Variants in AGBL1 observed in about 807,000 individuals in gnomAD.
AGBL1 encodes the protein cytosolic carboxypeptidase 4.
A neutral mutation model predicts 118.9 loss-of-function variants in AGBL1; 130 were observed. The observed-to-expected ratio is 1.09, with a 90% CI of 0.95 to 1.26. AGBL1 has a LOEUF of 1.26. Ranked by LOEUF, AGBL1 falls within the 50% of genes most tolerant of loss-of-function variation. The pLI, the probability that AGBL1 is intolerant of heterozygous loss-of-function variation, is 0.00. For synonymous variants in AGBL1, 555 were observed against 478.9 expected (o/e 1.16, Z -2.08); for missense variants, 1,584 against 1,298.1 (o/e 1.22, Z -3.38).
At chr15:86,080,119 C>A in intron 1 of AGBL1, 96 bp downstream of exon 1, 1 of 984,424 alleles carries the variant, frequency 1.0e-6, no homozygotes, top group Non-Finnish European at 1.3e-6. Flanking sequence ...CTCTGGCAGT[C>A]ACTGGCCCAG....
At chr15:87,024,211 G>T (rs28883690) in intron 24 of AGBL1, among the ~76,000 whole-genome samples, 6,180 of 151,980 alleles carry the variant, frequency 0.041, 409 homozygotes, top group African/African-American at 0.14. Flanking sequence ...TCTTTGAAAA[G>T]ATAAATGAAA....
chr15:86,525,300 A>G (rs1193382288), intron 19 of AGBL1, among the ~76,000 whole-genome samples: 1 of 152,188 alleles, frequency 6.6e-6, no homozygotes, highest in East Asian at 1.9e-4. Flanking sequence ...AAGAATCAAT[A>G]TTTTGAAAAT....
chr15:86,272,655 A>G (rs944906888), intron 15 of AGBL1, among the ~76,000 whole-genome samples: 6 of 152,192 alleles, frequency 3.9e-5, no homozygotes, highest in Non-Finnish European at 8.8e-5. Flanking sequence ...GGAAAGGTCA[A>G]GAATCTTGTT....
intron 18 of AGBL1, among the ~76,000 whole-genome samples, chr15:86,520,771 A>G (rs1019109274): frequency 7.9e-5 from 12 of 152,332 alleles, no homozygotes; most frequent in African/African-American, 2.9e-4. Context: ...GGCAAGGAGA[A>G]ATCACAGAGC....
chr15:87,002,185 C>G (rs528431825), intron 24 of AGBL1, among the ~76,000 whole-genome samples: 1 of 152,196 alleles, frequency 6.6e-6, no homozygotes, highest in East Asian at 1.9e-4. Flanking sequence ...CCAGTTTCAG[C>G]TTTCTACAGA....
chr15:86,157,356 G>T (rs556790253), intron 4 of AGBL1, among the ~76,000 whole-genome samples: 1 of 152,148 alleles, frequency 6.6e-6, no homozygotes, highest in Non-Finnish European at 1.5e-5. Flanking sequence ...ATAGACAGAA[G>T]GTGTGCCACC....
intron 22 of AGBL1, among the ~76,000 whole-genome samples, chr15:86,710,695 A>G (rs2086541036): frequency 6.6e-6 from 1 of 152,178 alleles, no homozygotes; most frequent in Non-Finnish European, 1.5e-5. Context: ...TAGGTTTCAG[A>G]TAGGTTTATA....
intron 18 of AGBL1, among the ~76,000 whole-genome samples, chr15:86,445,457 C>G (rs1196696231): frequency 6.6e-6 from 1 of 152,226 alleles, no homozygotes; most frequent in Non-Finnish European, 1.5e-5. Flanking sequence ...GGTCAACTCT[C>G]TTCCCTATGG....
At chr15:86,824,371 C>A (rs890541373) in intron 22 of AGBL1, among the ~76,000 whole-genome samples, 1 of 152,026 alleles carries the variant, frequency 6.6e-6, no homozygotes, top group Non-Finnish European at 1.5e-5. Flanking sequence ...CCCACATATA[C>A]CCTTAACAAA....
intron 22 of AGBL1, among the ~76,000 whole-genome samples, chr15:86,793,046 T>C (rs1023831232): frequency 1.3e-5 from 2 of 152,188 alleles, no homozygotes; most frequent in African/African-American, 4.8e-5. Context: ...TATTTTTAAA[T>C]TTAACGCCAT....
intron 24 of AGBL1, among the ~76,000 whole-genome samples, chr15:87,004,884 A>C (rs1447325932): frequency 6.6e-6 from 1 of 152,026 alleles, no homozygotes; most frequent in African/African-American, 2.4e-5. Context: ...GTAGGGCAGG[A>C]GTGTTGGTGA....
chr15:86,988,105 C>A (rs2081302235), intron 24 of AGBL1: 1 of 1,611,982 alleles, frequency 6.2e-7, no homozygotes, highest in Non-Finnish European at 8.5e-7. Context: ...ATGTCAGTTT[C>A]CTGATTGTAC....
intron 20 of AGBL1, among the ~76,000 whole-genome samples, chr15:86,551,253 A>G (rs1185939782): frequency 1.3e-5 from 2 of 152,146 alleles, no homozygotes; most frequent in African/African-American, 2.4e-5. Flanking sequence ...TAAAAATCAT[A>G]TGAACAATAG....
intron 21 of AGBL1, among the ~76,000 whole-genome samples, chr15:86,628,667 G>T (rs934179415): frequency 1.3e-5 from 2 of 151,872 alleles, no homozygotes; most frequent in African/African-American, 4.8e-5. Flanking sequence ...GTGGTGGTGG[G>T]CGCCTGTAGT....
At chr15:86,336,087 G>A (rs901331369) in intron 17 of AGBL1, among the ~76,000 whole-genome samples, 5 of 152,200 alleles carry the variant, frequency 3.3e-5, no homozygotes, top group African/African-American at 1.2e-4. Flanking sequence ...AAAGGGTGGA[G>A]AAATCCAGAA....
intron 18 of AGBL1, among the ~76,000 whole-genome samples, chr15:86,422,480 C>T (rs1300179516): frequency 2.0e-5 from 3 of 152,002 alleles, no homozygotes; most frequent in Non-Finnish European, 2.9e-5. Context: ...CACTAAATGC[C>T]CACAGGAGAA....
intron 18 of AGBL1, among the ~76,000 whole-genome samples, chr15:86,497,622 A>C (rs1206762979): frequency 6.6e-6 from 1 of 151,972 alleles, no homozygotes; most frequent in African/African-American, 2.4e-5. Flanking sequence ...ATTTGGGAAT[A>C]AATCTCCCAT....
chr15:86,688,595 A>G (rs2086105462), intron 22 of AGBL1, among the ~76,000 whole-genome samples: 1 of 152,166 alleles, frequency 6.6e-6, no homozygotes, highest in South Asian at 2.1e-4. Context: ...TGGATTATCA[A>G]GGGAGGTTTA....
chr15:86,667,732 C>T (rs2085672200), intron 21 of AGBL1, among the ~76,000 whole-genome samples: 2 of 152,116 alleles, frequency 1.3e-5, no homozygotes, highest in Admixed American at 6.6e-5. Context: ...CTATGACTAC[C>T]ATACTATCTG....
Sources: gnomAD v4.1 joint callset for allele counts (sites outside exome capture counted in the v4.1 genomes callset) on GRCh38, gnomAD v4.1.1 for gene constraint, MANE v1.5 for transcripts, NCBI Gene and HGNC (gene_info 2026-07-23, HGNC 2026-07-21) for gene names.